Variants in ADAMTS12 observed in about 807,000 individuals in gnomAD.
ADAMTS12 encodes A disintegrin and metalloproteinase with thrombospondin motifs 12.
ADAMTS12 carries 118 observed loss-of-function variants against 167.8 expected under a neutral mutation model. The ratio of observed to expected loss-of-function variants is 0.70; its 90% CI spans 0.61 to 0.82. ADAMTS12 has a LOEUF of 0.82. Ranked by LOEUF, ADAMTS12 falls within the 40% of genes least tolerant of loss-of-function variation. The pLI is 0.00. For synonymous variants in ADAMTS12, 704 were observed against 716.9 expected, an observed-to-expected ratio of 0.98 and a Z score of 0.29; for missense variants, 1,916 against 1,998.8, an observed-to-expected ratio of 0.96 and a Z score of 0.79.
chr5:33,761,915 G>A (rs560976310), intron 2 of ADAMTS12, among the ~76,000 whole-genome samples: 18 of 152,348 alleles, frequency 1.2e-4, no homozygotes, highest in African/African-American at 3.4e-4. Flanking sequence ...CAAGGGGGCC[G>A]GGCATGGTGG....
At position 33,616,163 on chromosome 5, in the gene ADAMTS12, G is replaced by A. The variant is rs1739002828; in HGVS notation, c.2144-91C>T. On this transcript the variant is annotated intron_variant, in intron 14 of 23. Coordinates refer to ENST00000504830, the MANE Select transcript of ADAMTS12 (RefSeq NM_030955.4). Reference sequence around the variant, plus strand: ...TGACCCACTGTTAATCCTCTTTCCAGCCTCCCCATCATTTAGTGACCTTGC... The same window carrying A: ...TGACCCACTGTTAATCCTCTTTCCAACCTCCCCATCATTTAGTGACCTTGC... 4 of 1,512,988 alleles carry A rather than the reference G, an allele frequency of 2.6e-6. No individual in the cohort carries two copies. The Admixed American group carries it at 8.0e-5, about 30-fold the overall frequency. The allele number at this position is 1,512,988 out of a possible 1,614,324, so 93.7% of individuals were successfully genotyped here.
chr5:33,803,132 TCCAGGGAAGA>T, intron 2 of ADAMTS12, among the ~76,000 whole-genome samples: 1 of 152,226 alleles, frequency 6.6e-6, no homozygotes, highest in South Asian at 2.1e-4. Flanking sequence ...GGTACATGGA[TCCAGGGAAGA>T]TGAAGGCAGT....
Position 33,534,883 on chromosome 5 carries a change from C to G in ADAMTS12, c.4556G>C (p.Arg1519Thr). ...QDQCLCDHKP[R>T]PPEFKKCNQQ... ...GTTGCATTTTTTGAATTCTGGAGGT[C>G]TGGGTTTGTGATCACATAGACATTG... Residue 1519 changes from arginine to threonine, a missense_variant, in exon 23 of 24, where the codon AGA becomes ACA. Transcript: ENST00000504830. 6.2e-7 allele frequency: 1 copy of G among 1,614,060 alleles called. No homozygotes were observed. Among genetic ancestry groups the G allele is most frequent in the Non-Finnish European group, 8.5e-7 (1 of 1,180,002 alleles).
intron 2 of ADAMTS12, among the ~76,000 whole-genome samples, chr5:33,780,484 C>T (rs1428653485): frequency 2.0e-5 from 3 of 152,114 alleles, no homozygotes; most frequent in Non-Finnish European, 4.4e-5. Flanking sequence ...TGCCACCTCT[C>T]AATAAAAACC....
chr5:33,529,138 A>G (rs924424075), intron 23 of ADAMTS12, among the ~76,000 whole-genome samples: 2 of 152,220 alleles, frequency 1.3e-5, no homozygotes, highest in African/African-American at 4.8e-5. Flanking sequence ...GAACTTTACC[A>G]TGGAGGTGAA....
At chr5:33,747,834 G>A (rs1284127138) in intron 3 of ADAMTS12, among the ~76,000 whole-genome samples, 1 of 152,054 alleles carries the variant, frequency 6.6e-6, no homozygotes, top group African/African-American at 2.4e-5. Context: ...ATAAAACCAG[G>A]ACTAGATCTC....
chr5:33,659,405 C>G (rs1741176635), intron 6 of ADAMTS12, among the ~76,000 whole-genome samples: 1 of 152,186 alleles, frequency 6.6e-6, no homozygotes, highest in Admixed American at 6.5e-5. Context: ...CAATCAAACA[C>G]TTTTCTACCC....
At chr5:33,667,373 A>G (rs1353307999) in intron 5 of ADAMTS12, among the ~76,000 whole-genome samples, 1 of 151,296 alleles carries the variant, frequency 6.6e-6, no homozygotes, top group East Asian at 1.9e-4. Flanking sequence ...CACTTGAAAG[A>G]GTAAATATAC....
intron 3 of ADAMTS12, among the ~76,000 whole-genome samples, chr5:33,689,949 A>C (rs1742492325): frequency 6.6e-6 from 1 of 152,260 alleles, no homozygotes; most frequent in Non-Finnish European, 1.5e-5. Flanking sequence ...CACATGGTGC[A>C]TCTTTAAACC....
chr5:33,742,287 C>CAA (rs1744616312), intron 3 of ADAMTS12, among the ~76,000 whole-genome samples: 1 of 148,946 alleles, frequency 6.7e-6, no homozygotes, highest in Admixed American at 6.7e-5. Flanking sequence ...ATAATTTCCT[C>CAA]AAACATCTGA....
chr5:33,620,661 T>C (rs1233288121), intron 14 of ADAMTS12, among the ~76,000 whole-genome samples: 1 of 152,226 alleles, frequency 6.6e-6, no homozygotes, highest in Non-Finnish European at 1.5e-5. Context: ...TAAGTTTTAA[T>C]AGATTTTTAA....
chr5:33,890,864 C>T (rs1261403229), intron 1 of ADAMTS12, among the ~76,000 whole-genome samples: 1 of 152,150 alleles, frequency 6.6e-6, no homozygotes, highest in Non-Finnish European at 1.5e-5. Flanking sequence ...ACAGCAGGGA[C>T]AGCAACACTG....
rs547266127 is a variant in ADAMTS12 at position 33,641,888 on chromosome 5, C to A, written c.1640G>T (p.Arg547Leu). Reference sequence around the variant, plus strand: ...GGAACAGTGGGACCAGGGTGACCAGCGGCCCCAGCCTCCAGGAATGCTCTC... The same window carrying A: ...GGAACAGTGGGACCAGGGTGACCAGAGGCCCCAGCCTCCAGGAATGCTCTC... ...KPESIPGGWG[R>L]WSPWSHCSRT... Residue 547 changes from arginine to leucine, a missense_variant, in exon 11 of 24, where the codon CGC (arginine) becomes CTC (leucine). By Grantham distance (102) the Arg-to-Leu change is moderately radical. Transcript: ENST00000504830. 1 of 1,613,560 alleles carries A rather than the reference C, an allele frequency of 6.2e-7. No individual in the cohort carries two copies. The highest frequency in any genetic ancestry group is 8.5e-7 in the Non-Finnish European group (1 of 1,179,724).
intron 3 of ADAMTS12, among the ~76,000 whole-genome samples, chr5:33,707,650 A>G (rs1466325602): frequency 6.6e-6 from 1 of 152,140 alleles, no homozygotes; most frequent in African/African-American, 2.4e-5. Context: ...ATAACACCAC[A>G]CATCTACAAC....
At chr5:33,567,438 G>T (rs770887558) in intron 19 of ADAMTS12, among the ~76,000 whole-genome samples, 2 of 152,174 alleles carry the variant, frequency 1.3e-5, no homozygotes, top group African/African-American at 2.4e-5. Flanking sequence ...AAGACAGTAG[G>T]CCTGCTTATC....
chr5:33,886,716 G>T (rs901783348), intron 1 of ADAMTS12, among the ~76,000 whole-genome samples: 1 of 152,074 alleles, frequency 6.6e-6, no homozygotes, highest in Admixed American at 6.5e-5. Context: ...TTTCCCTCCT[G>T]ATCTAATTGC....
At chr5:33,558,101 T>C (rs1745568055) in intron 20 of ADAMTS12, among the ~76,000 whole-genome samples, 1 of 152,028 alleles carries the variant, frequency 6.6e-6, no homozygotes, top group South Asian at 2.1e-4. Flanking sequence ...GTAATAATAA[T>C]AGAAATAAAG....
chr5:33,554,178 T>C (rs907907820), intron 20 of ADAMTS12, among the ~76,000 whole-genome samples: 2 of 152,168 alleles, frequency 1.3e-5, no homozygotes, highest in Admixed American at 6.5e-5. Context: ...TCTTAATGAG[T>C]AAATGCTCAT....
At chr5:33,773,081 A>T (rs958114932) in intron 2 of ADAMTS12, among the ~76,000 whole-genome samples, 1 of 152,238 alleles carries the variant, frequency 6.6e-6, no homozygotes, top group Non-Finnish European at 1.5e-5. Context: ...AGGCATAAAT[A>T]ACCAGGATTC....
Sources: allele counts gnomAD v4.1 joint callset (sites outside exome capture counted in the v4.1 genomes callset), GRCh38; gene constraint gnomAD v4.1.1; transcripts MANE v1.5; gene names NCBI Gene and HGNC (gene_info 2026-07-23, HGNC 2026-07-21).